COPS2: variants seen among roughly 807,000 people sequenced by gnomAD.
The protein encoded by COPS2 is COP9 signalosome complex subunit 2.
Under a neutral mutation model 66.1 loss-of-function variants are expected in COPS2, and 10 were observed. That is an observed-to-expected ratio of 0.15 (90% CI 0.09 to 0.26). The LOEUF (loss-of-function observed/expected upper bound fraction) is 0.26, where lower values mean the gene tolerates loss of function less well. COPS2 is among the 10% of genes least tolerant of loss of function. The pLI, the probability that COPS2 is intolerant of heterozygous loss-of-function variation, is 1.00. For missense variants in COPS2, 215 were observed against 513.3 expected, an observed-to-expected ratio of 0.42 and a Z score of 5.62; for synonymous variants, 179 against 171.3, an observed-to-expected ratio of 1.04 and a Z score of -0.35.
intron 1 of COPS2, 143 bp from the exon 2 acceptor site, chr15:49,145,221 C>A: frequency 2.1e-6 from 1 of 479,740 alleles, no homozygotes; most frequent in South Asian, 3.9e-5. Flanking sequence ...TAAAATGCCA[C>A]TGATATTCAA....
At chr15:49,134,904 A>G (rs563517648) in intron 6 of COPS2, among the ~76,000 whole-genome samples, 2 of 152,350 alleles carry the variant, frequency 1.3e-5, no homozygotes, top group African/African-American at 2.4e-5. Flanking sequence ...AACAATGTAC[A>G]ATGAAATCAT....
intron 1 of COPS2, 90 bp downstream of exon 1, chr15:49,155,435 G>A: frequency 8.4e-7 from 1 of 1,189,810 alleles, no homozygotes; most frequent in Non-Finnish European, 1.3e-6. Flanking sequence ...AACGGCACAT[G>A]CTCTACGGGG....
At chr15:49,139,726 A>G in intron 3 of COPS2, 73 bp from the exon 4 acceptor site, 1 of 1,088,914 alleles carries the variant, frequency 9.2e-7, no homozygotes, top group African/African-American at 1.6e-5. Context: ...TTAAGGTTAT[A>G]GAATACACTA....
chr15:49,144,835 C>T, intron 2 of COPS2, 130 bp downstream of exon 2: 4 of 560,696 alleles, frequency 7.1e-6, no homozygotes, highest in South Asian at 5.3e-5. Flanking sequence ...GCTTGTGCTG[C>T]CTAATGCTAA....
chr15:49,135,031 A>G (rs1036309261), intron 6 of COPS2, among the ~76,000 whole-genome samples: 1 of 152,214 alleles, frequency 6.6e-6, no homozygotes, highest in Non-Finnish European at 1.5e-5. Context: ...ATTAAGTTTA[A>G]TTTATAAATC....
chr15:49,133,858 C>G (rs771313393), intron 8 of COPS2, 47 bp from the exon 9 acceptor site: 1 of 1,542,018 alleles, frequency 6.5e-7, no homozygotes, highest in Admixed American at 2.1e-5. Context: ...AAAGAAACAA[C>G]ATTTTAAAAA....
chr15:49,133,809 G>A lies in COPS2; in HGVS notation c.897C>T (p.Ala299=). ...SGINPFDSQE[A]KPYKNDPEIL... is the part of the protein sequence containing the mutation. ...TTTCTGGATCATTTTTGTACGGCTT[G>A]GCCTAAACACAGTAAAGAAAAAAAT... The change falls in exon 9 of 13, where the codon GCC becomes GCT. Residue 299 remains alanine (A), a splice_region_variant and synonymous_variant. Coordinates refer to ENST00000388901, the MANE Select transcript of COPS2 (RefSeq NM_004236.4). 1 of 1,591,560 alleles carries A rather than the reference G, an allele frequency of 6.3e-7. No individual in the cohort carries two copies. Among genetic ancestry groups the A allele is most frequent in the Middle Eastern group, 1.7e-4 (1 of 5,718 alleles).
intron 4 of COPS2, 125 bp from the exon 5 acceptor site, chr15:49,137,562 C>A: frequency 2.9e-6 from 2 of 697,754 alleles, no homozygotes; most frequent in South Asian, 1.8e-5. Context: ...CTATCTGTAT[C>A]TTACTGTCTT....
intron 3 of COPS2, among the ~76,000 whole-genome samples, chr15:49,140,836 T>C (rs1243035185): frequency 6.6e-6 from 1 of 151,770 alleles, no homozygotes; most frequent in Non-Finnish European, 1.5e-5. Context: ...TTTATTAGGG[T>C]GAGGAATAAA....
At chr15:49,138,042 A>G (rs1412841260) in intron 4 of COPS2, among the ~76,000 whole-genome samples, 1 of 152,222 alleles carries the variant, frequency 6.6e-6, no homozygotes. Flanking sequence ...TATAAATATG[A>G]CTAAGTAACT....
intron 6 of COPS2, among the ~76,000 whole-genome samples, chr15:49,135,065 A>T (rs771689124): frequency 2.6e-5 from 4 of 152,208 alleles, no homozygotes; most frequent in Non-Finnish European, 4.4e-5. Context: ...CATTAACAAT[A>T]ACTGATCATA....
intron 1 of COPS2, among the ~76,000 whole-genome samples, chr15:49,154,608 C>A (rs1158525253): frequency 1.3e-5 from 2 of 152,064 alleles, no homozygotes; most frequent in Non-Finnish European, 2.9e-5. Flanking sequence ...ATGAAACACC[C>A]CCAAAATAAA....
At chr15:49,140,923 A>C (rs1001752437) in intron 3 of COPS2, among the ~76,000 whole-genome samples, 1 of 152,116 alleles carries the variant, frequency 6.6e-6, no homozygotes, top group African/African-American at 2.4e-5. Context: ...AGAAAACTTG[A>C]GAACAATCCC....
intron 3 of COPS2, among the ~76,000 whole-genome samples, chr15:49,140,179 G>A (rs935868966): frequency 1.3e-5 from 2 of 151,242 alleles, no homozygotes; most frequent in African/African-American, 4.9e-5. Context: ...TTTTTTAGTA[G>A]GGACAGGGTT....
At chr15:49,150,281 T>A (rs973114649) in intron 1 of COPS2, among the ~76,000 whole-genome samples, 34 of 150,726 alleles carry the variant, frequency 2.3e-4, no homozygotes, top group African/African-American at 5.6e-4. Context: ...AATAAAAAAA[T>A]AAATAAATAA....
chr15:49,139,234 AG>A (rs2084273989), intron 4 of COPS2: 1 of 227,392 alleles, frequency 4.4e-6, no homozygotes, highest in South Asian at 7.8e-5. Context: ...GTAGTTTATT[AG>A]AAGGACCTGT....
At chr15:49,149,726 C>CA (rs1484173369) in intron 1 of COPS2, among the ~76,000 whole-genome samples, 1 of 152,108 alleles carries the variant, frequency 6.6e-6, no homozygotes, top group African/African-American at 2.4e-5. Context: ...TATTTACCGC[C>CA]AATAGAAGTC....
At chr15:49,142,359 G>C (rs2084294711) in intron 3 of COPS2, among the ~76,000 whole-genome samples, 1 of 152,130 alleles carries the variant, frequency 6.6e-6, no homozygotes, top group Non-Finnish European at 1.5e-5. Context: ...ATGCCATGGA[G>C]TGCCCCTCCT....
chr15:49,134,326 C>T lies in COPS2; in HGVS notation c.715+14G>A, dbSNP rs2084235822. On this transcript the variant is annotated intron_variant, in intron 7 of 12. Transcript: ENST00000388901. The stretch of plus-strand genomic sequence containing the variant: ...TCCCCATGCCACTGCCCACCCTCTC[C>T]AAACCAAACTTGCCTCTGATAACTC... 3.1e-6 allele frequency: 5 copies of T among 1,610,960 alleles called. No individual in the cohort carries two copies. The highest frequency in any genetic ancestry group is 4.2e-6 in the Non-Finnish European group (5 of 1,178,750).
Sources: allele counts gnomAD v4.1 joint callset (sites outside exome capture counted in the v4.1 genomes callset), GRCh38; gene constraint gnomAD v4.1.1; transcripts MANE v1.5; gene names NCBI Gene and HGNC (gene_info 2026-07-23, HGNC 2026-07-21).